Variants in BCAS3 observed in about 807,000 individuals in gnomAD.
BCAS3 encodes BCAS4/BCAS3 fusion.
Under a neutral mutation model 116.1 loss-of-function variants are expected in BCAS3, and 53 were observed. The observed-to-expected ratio is 0.46, with a 90% CI of 0.37 to 0.57. BCAS3 has a LOEUF of 0.57. Among genes scored for constraint, BCAS3 ranks in the 20% least tolerant of loss-of-function variants. The pLI is 0.00. For missense variants in BCAS3, 917 were observed against 1,165.4 expected (o/e 0.79, Z 3.10); for synonymous variants, 391 against 408.2 (o/e 0.96, Z 0.51).
intron 19 of BCAS3, among the ~76,000 whole-genome samples, chr17:61,067,809 C>A (rs1393735377): frequency 6.7e-6 from 1 of 150,096 alleles, no homozygotes; most frequent in Non-Finnish European, 1.5e-5. Context: ...AAGAAAAATA[C>A]CATAAGTGAT....
intron 6 of BCAS3, among the ~76,000 whole-genome samples, chr17:60,804,952 A>G (rs898407633): frequency 4.7e-5 from 7 of 149,908 alleles, no homozygotes; most frequent in Non-Finnish European, 1.0e-4. Context: ...CTGTGATGTA[A>G]ACTAATTTGA....
intron 13 of BCAS3, among the ~76,000 whole-genome samples, chr17:60,937,412 C>T (rs940633571): frequency 3.3e-5 from 5 of 151,964 alleles, no homozygotes; most frequent in African/African-American, 9.7e-5. Flanking sequence ...TTTATCTTGT[C>T]CTCACATTTA....
intron 9 of BCAS3, among the ~76,000 whole-genome samples, chr17:60,888,450 T>A (rs984929143): frequency 6.6e-6 from 1 of 152,194 alleles, no homozygotes. Context: ...ATATTTATCC[T>A]CATTTCTCCA....
intron 7 of BCAS3, among the ~76,000 whole-genome samples, chr17:60,866,659 T>G (rs532728131): frequency 5.7e-4 from 87 of 152,342 alleles, no homozygotes; most frequent in African/African-American, 2.1e-3. Flanking sequence ...GAATTGAATT[T>G]CTTTTTAGAT....
chr17:60,759,719 C>T (rs1322065604), intron 6 of BCAS3, among the ~76,000 whole-genome samples: 3 of 151,160 alleles, frequency 2.0e-5, no homozygotes, highest in Non-Finnish European at 4.4e-5. Context: ...GGCTGAAGTG[C>T]AGAGGTGTGA....
Position 61,017,465 on chromosome 17 carries a change from C to T in BCAS3, c.1637+1564C>T, listed in dbSNP as rs923344842. The stretch of plus-strand genomic sequence containing the variant: ...AGTGAAACCATCCTCAAAATTGTTT[C>T]TCTGTAATTTAATTTTATATTCAGA... On this transcript the variant is annotated intron_variant, in intron 16 of 23. Coordinates refer to ENST00000407086, the MANE Select transcript of BCAS3 (RefSeq NM_017679.5). The surrounding 1 kb of genome is among the most constrained non-coding windows in gnomAD (Gnocchi z 4.7). 6.6e-6 allele frequency among the ~76,000 whole-genome samples: 1 copy of T among 152,090 alleles called. No homozygotes were observed. The highest frequency in any genetic ancestry group is 2.4e-5 in the African/African-American group (1 of 41,430).
chr17:61,104,368 T>C lies in BCAS3; in HGVS notation c.2425+19804T>C, dbSNP rs2074511347. Among the ~76,000 whole-genome samples, 1 of 152,178 alleles carries C rather than the reference T, an allele frequency of 6.6e-6. No individual in the cohort carries two copies. The highest frequency in any genetic ancestry group is 2.4e-5 in the African/African-American group (1 of 41,440). The stretch of plus-strand genomic sequence containing the variant: ...AAAAGTTTTTCATATAACTTTTTCA[T>C]CTTGTATAACTGAATAAAGAAAATT... On this transcript the variant is annotated intron_variant, in intron 22 of 23. Transcript: ENST00000407086. This position sits in a 1 kb window ranked among gnomAD's most constrained non-coding sequence, Gnocchi z 4.1.
intron 22 of BCAS3, among the ~76,000 whole-genome samples, chr17:61,269,878 A>C (rs901017986): frequency 5.4e-5 from 8 of 148,476 alleles, no homozygotes; most frequent in Non-Finnish European, 1.0e-4. Flanking sequence ...ACCTTGGCTT[A>C]CTGCAACCTC....
At chr17:60,727,449 A>G in intron 5 of BCAS3, 2 of 1,574,372 alleles carry the variant, frequency 1.3e-6, no homozygotes, top group Non-Finnish European at 1.7e-6. Context: ...CACTTCTTAC[A>G]GAAGGTTCTT....
chr17:60,897,789 C>T (rs986346246), intron 10 of BCAS3, among the ~76,000 whole-genome samples: 5 of 152,186 alleles, frequency 3.3e-5, no homozygotes, highest in Admixed American at 2.0e-4. Flanking sequence ...AATCACAGCT[C>T]ACTGCAGCCT....
chr17:60,850,659 A>G (rs1386358056), intron 7 of BCAS3, among the ~76,000 whole-genome samples: 1 of 152,066 alleles, frequency 6.6e-6, no homozygotes, highest in East Asian at 1.9e-4. Context: ...GCGCCCGGCC[A>G]ATTTTAGACC....
At chr17:61,294,663 ACTCTTCTGTTTCAT>A (rs1220569810) in intron 22 of BCAS3, among the ~76,000 whole-genome samples, 1 of 152,040 alleles carries the variant, frequency 6.6e-6, no homozygotes, top group African/African-American at 2.4e-5. Flanking sequence ...CTCATTGAGT[ACTCTTCTGTTTCAT>A]CTCTTCTGTC....
chr17:61,114,038 AC>A (rs2075268035), intron 22 of BCAS3, among the ~76,000 whole-genome samples: 2 of 151,620 alleles, frequency 1.3e-5, no homozygotes, highest in South Asian at 4.2e-4. Flanking sequence ...GAATTCAACA[AC>A]CCTTCATGCT....
intron 3 of BCAS3, among the ~76,000 whole-genome samples, chr17:60,689,205 G>T (rs1183424345): frequency 7.2e-5 from 11 of 152,050 alleles, no homozygotes; most frequent in Admixed American, 7.2e-4. Context: ...ACAGAGTCTT[G>T]CTCAGTCGCC....
intron 16 of BCAS3, 28 bp downstream of exon 16, chr17:61,015,929 A>G: frequency 5.0e-6 from 8 of 1,600,382 alleles, no homozygotes; most frequent in Non-Finnish European, 6.0e-6. Flanking sequence ...ATGCTTTTTT[A>G]ACAGCTGTTT....
At chr17:61,301,986 A>G (rs958036402) in intron 22 of BCAS3, among the ~76,000 whole-genome samples, 2 of 152,198 alleles carry the variant, frequency 1.3e-5, no homozygotes, top group Non-Finnish European at 2.9e-5. Flanking sequence ...CATCTCTAGA[A>G]TTAGGTGAAG....
At chr17:61,066,838 G>C (rs941365213) in intron 19 of BCAS3, among the ~76,000 whole-genome samples, 1 of 151,918 alleles carries the variant, frequency 6.6e-6, no homozygotes, top group Non-Finnish European at 1.5e-5. Context: ...CGGAATCCTG[G>C]TTCAAATTCA....
chr17:60,869,532 A>G (rs1345402687), intron 8 of BCAS3, among the ~76,000 whole-genome samples: 3 of 152,206 alleles, frequency 2.0e-5, no homozygotes, highest in Non-Finnish European at 4.4e-5. Flanking sequence ...TGACTCAGTA[A>G]GGTTGAATGT....
intron 5 of BCAS3, among the ~76,000 whole-genome samples, chr17:60,741,813 CAT>C (rs2144229457): frequency 6.6e-6 from 1 of 152,180 alleles, no homozygotes; most frequent in East Asian, 1.9e-4. Flanking sequence ...AAAAGATACA[CAT>C]GTGCCTGCCC....
Sources: allele counts gnomAD v4.1 joint callset (sites outside exome capture counted in the v4.1 genomes callset), GRCh38; gene constraint gnomAD v4.1.1; non-coding constraint Gnocchi (gnomAD v3.1); transcripts MANE v1.5; gene names NCBI Gene and HGNC (gene_info 2026-07-23, HGNC 2026-07-21).